The following AMD1 variants were observed in gnomAD, a reference collection of about 807,000 sequenced individuals.
The protein encoded by AMD1 is adenosylmethionine decarboxylase 1, also known as S-adenosylmethionine decarboxylase proenzyme.
Under a neutral mutation model 40.2 loss-of-function variants are expected in AMD1, and 11 were observed. The ratio of observed to expected loss-of-function variants is 0.27; its 90% CI spans 0.17 to 0.45. AMD1 has a LOEUF of 0.45. Among genes scored for constraint, AMD1 ranks in the 20% least tolerant of loss-of-function variants. The pLI, the probability that AMD1 is intolerant of heterozygous loss-of-function variation, is 1.00. For synonymous variants in AMD1, 121 were observed against 130.8 expected, an observed-to-expected ratio of 0.93 and a Z score of 0.51; for missense variants, 257 against 410.2, an observed-to-expected ratio of 0.63 and a Z score of 3.23.
At chr6:110,858,726 A>G in the AMD1 span, 6 of 788,990 alleles carry the variant, frequency 7.6e-6, no homozygotes, top group Admixed American at 3.6e-5. Flanking sequence ...AAGGCTGGCC[A>G]GTGCACCATC....
the AMD1 span, among the ~76,000 whole-genome samples, chr6:110,826,983 C>T: frequency 6.6e-6 from 1 of 152,132 alleles, no homozygotes; most frequent in East Asian, 1.9e-4. Flanking sequence ...TGAGCCACTG[C>T]ACCAGGCCCA....
At chr6:110,845,872 G>T in the AMD1 span, among the ~76,000 whole-genome samples, 2 of 152,146 alleles carry the variant, frequency 1.3e-5, no homozygotes, top group Non-Finnish European at 2.9e-5. Context: ...TGTCCCTATA[G>T]AGAACCTTGA....
intron 1 of AMD1, among the ~76,000 whole-genome samples, chr6:110,883,819 G>C (rs545482132): frequency 6.6e-6 from 1 of 151,974 alleles, no homozygotes; most frequent in Admixed American, 6.5e-5. Context: ...GGATGGTCTT[G>C]ATCTCCTGAC....
At chr6:110,876,310 G>T (rs553720059) in intron 1 of AMD1, among the ~76,000 whole-genome samples, 1 of 152,342 alleles carries the variant, frequency 6.6e-6, no homozygotes, top group South Asian at 2.1e-4. Flanking sequence ...CTCTGCGCAC[G>T]AGTGCGGCTA....
the AMD1 span, chr6:110,815,552 A>C: frequency 6.4e-6 from 1 of 156,666 alleles, no homozygotes; most frequent in Non-Finnish European, 1.4e-5. Context: ...CGGCGTAAGA[A>C]ATACAGCTCC....
chr6:110,847,417 C>T, the AMD1 span, among the ~76,000 whole-genome samples: 8 of 150,970 alleles, frequency 5.3e-5, no homozygotes, highest in Admixed American at 4.0e-4. Context: ...CTCAGCTACT[C>T]GGGAGGCTGA....
the AMD1 span, among the ~76,000 whole-genome samples, chr6:110,819,169 TC>T: frequency 6.6e-6 from 1 of 152,060 alleles, no homozygotes; most frequent in African/African-American, 2.4e-5. Flanking sequence ...ACCAGCCTAA[TC>T]AACACGGAGA....
At chr6:110,852,568 G>A in the AMD1 span, among the ~76,000 whole-genome samples, 2 of 151,940 alleles carry the variant, frequency 1.3e-5, no homozygotes, top group African/African-American at 4.8e-5. Flanking sequence ...AGACTTCCTG[G>A]TCACCTCCTT....
the AMD1 span, among the ~76,000 whole-genome samples, chr6:110,849,589 A>G: frequency 6.6e-6 from 1 of 152,176 alleles, no homozygotes; most frequent in Non-Finnish European, 1.5e-5. Context: ...TATTGACTTT[A>G]AATAATTTAG....
At chr6:110,888,795 T>G in intron 2 of AMD1, 62 bp from the exon 3 acceptor site, 2 of 1,497,428 alleles carry the variant, frequency 1.3e-6, no homozygotes, top group Non-Finnish European at 1.8e-6. Context: ...ATTAAATTGG[T>G]TGATTGCACC....
At chr6:110,883,404 A>G (rs149026138) in intron 1 of AMD1, among the ~76,000 whole-genome samples, 113 of 152,318 alleles carry the variant, frequency 7.4e-4, no homozygotes, top group Non-Finnish European at 1.2e-3. Flanking sequence ...GCAGGCAAAA[A>G]TAGTTCCAAG....
the AMD1 span, among the ~76,000 whole-genome samples, chr6:110,820,794 T>C: frequency 6.6e-6 from 1 of 151,988 alleles, no homozygotes; most frequent in South Asian, 2.1e-4. Flanking sequence ...TCCCAGCTAC[T>C]TGGGAGGCTG....
intron 3 of AMD1, 43 bp from the exon 4 acceptor site, chr6:110,890,211 C>A: frequency 2.8e-6 from 4 of 1,407,730 alleles, no homozygotes; most frequent in Non-Finnish European, 2.9e-6. Flanking sequence ...AATTCTACAT[C>A]TAAAGTCATC....
At chr6:110,842,836 G>C in the AMD1 span, among the ~76,000 whole-genome samples, 29 of 152,028 alleles carry the variant, frequency 1.9e-4, no homozygotes, top group Non-Finnish European at 4.0e-4. Flanking sequence ...AAAACTTTTA[G>C]TCAAAAGTCA....
At chr6:110,838,247 G>T in the AMD1 span, among the ~76,000 whole-genome samples, 2 of 151,278 alleles carry the variant, frequency 1.3e-5, no homozygotes, top group Non-Finnish European at 2.9e-5. Flanking sequence ...AAATTAGCCG[G>T]GTGTGGTGGC....
intron 4 of AMD1, 97 bp downstream of exon 4, chr6:110,890,453 G>A: frequency 3.4e-6 from 3 of 883,764 alleles, no homozygotes; most frequent in Non-Finnish European, 5.4e-6. Flanking sequence ...TGCATATATA[G>A]CATTCTACAC....
chr6:110,890,745 T>TC (rs1331148598), intron 4 of AMD1: 1 of 155,208 alleles, frequency 6.4e-6, no homozygotes, highest in Non-Finnish European at 1.4e-5. Context: ...TGCCTTGGCC[T>TC]CCCAAAGTGC....
At chr6:110,832,989 T>G in the AMD1 span, among the ~76,000 whole-genome samples, 1 of 152,086 alleles carries the variant, frequency 6.6e-6, no homozygotes, top group African/African-American at 2.4e-5. Flanking sequence ...CCTGGCCAAT[T>G]TTTGTATTTT....
the AMD1 span, among the ~76,000 whole-genome samples, chr6:110,821,137 A>G: frequency 6.6e-6 from 1 of 152,170 alleles, no homozygotes; most frequent in Non-Finnish European, 1.5e-5. Flanking sequence ...AGAACTTCAG[A>G]GAATAGCCTC....
Sources: gnomAD v4.1 joint callset for allele counts (sites outside exome capture counted in the v4.1 genomes callset) on GRCh38, gnomAD v4.1.1 for gene constraint, MANE v1.5 for transcripts, NCBI Gene and HGNC (gene_info 2026-07-23, HGNC 2026-07-21) for gene names.